Variants in BSDC1 observed in about 807,000 individuals in gnomAD.
BSDC1 encodes the protein BSD domain-containing protein 1.
In BSDC1, 29 loss-of-function variants were observed where a neutral mutation model predicts 56.0. The observed-to-expected ratio is 0.52, with a 90% CI of 0.39 to 0.71. The LOEUF is 0.71. BSDC1 is among the 30% of genes least tolerant of loss of function. The probability of loss-of-function intolerance (pLI) is 0.00; values close to 1 mark genes in which losing one functional copy is unlikely to be tolerated. For synonymous variants in BSDC1, 210 were observed against 215.3 expected, an observed-to-expected ratio of 0.98 and a Z score of 0.21; for missense variants, 477 against 548.5, an observed-to-expected ratio of 0.87 and a Z score of 1.30.
At position 32,376,646 on chromosome 1, in the gene BSDC1, T is replaced by C; in HGVS notation, c.772A>G (p.Ser258Gly). 3 of 1,426,384 alleles carry C rather than the reference T, an allele frequency of 2.1e-6. No homozygotes were observed. Among genetic ancestry groups the C allele is most frequent in the Non-Finnish European group, 2.8e-6 (3 of 1,077,670 alleles). 88.4% of individuals were successfully genotyped at this position (1,426,384 alleles called of 1,614,324 possible). Reference protein sequence around the residue: ...TFPEGEPGPQSPCEENLVTSV... With the variant: ...TFPEGEPGPQGPCEENLVTSV... Reference sequence around the variant, plus strand: ...GTCACCAGATTCTCTTCACAGGGGCTCTGGGGGCCAGGTTCTCCTTCAGGG... The same window carrying C: ...GTCACCAGATTCTCTTCACAGGGGCCCTGGGGGCCAGGTTCTCCTTCAGGG... The change falls in exon 9 of 11, where the codon AGC becomes GGC. Residue 258 changes from serine (S) to glycine (G), a missense_variant. Ser to Gly is a moderately conservative substitution (Grantham distance 56, BLOSUM62 0). Transcript: ENST00000455895.
intron 9 of BSDC1, among the ~76,000 whole-genome samples, chr1:32,372,219 G>A (rs1331496148): frequency 6.6e-6 from 1 of 152,130 alleles, no homozygotes; most frequent in Admixed American, 6.5e-5. Flanking sequence ...AGGAAGTCAG[G>A]GCAGCCAAGA....
chr1:32,378,916 G>T lies in BSDC1; in HGVS notation c.413-77C>A. The stretch of plus-strand genomic sequence containing the variant: ...ACTGGGCTTACAGAACATATCTAAG[G>T]CTGGACATGGAAAATGAAGAAAGCT... On this transcript the variant is annotated intron_variant, in intron 5 of 10. Transcript: ENST00000455895. This position sits in a 1 kb window ranked among gnomAD's most constrained non-coding sequence, Gnocchi z 5.2. 1 of 985,556 alleles carries T rather than the reference G, an allele frequency of 1.0e-6. No individual in the cohort carries two copies. The highest frequency in any genetic ancestry group is 1.4e-6 in the Non-Finnish European group (1 of 713,502). 61.1% of individuals were successfully genotyped at this position (985,556 alleles called of 1,614,324 possible).
intron 5 of BSDC1, among the ~76,000 whole-genome samples, chr1:32,380,529 C>G (rs1488011583): frequency 6.6e-6 from 1 of 152,024 alleles, no homozygotes; most frequent in African/African-American, 2.4e-5. Flanking sequence ...GCCTGTAAGC[C>G]CAGCTACTCG....
intron 9 of BSDC1, among the ~76,000 whole-genome samples, chr1:32,371,554 C>T (rs1305931297): frequency 6.6e-6 from 1 of 152,054 alleles, no homozygotes; most frequent in Non-Finnish European, 1.5e-5. Context: ...TCGTGATCTG[C>T]CCGCCTCGGC....
chr1:32,368,320 T>C (rs919359508), intron 10 of BSDC1, 127 bp downstream of exon 10: 9 of 1,610,780 alleles, frequency 5.6e-6, no homozygotes, highest in African/African-American at 1.3e-5. Context: ...TCCAGCTCCT[T>C]TCCCACCACC....
In BSDC1 at chr1:32,378,793, C is replaced by A; in HGVS notation, c.459G>T (p.Glu153Asp). The A allele has an allele frequency of 6.4e-7, 1 of 1,552,274 alleles. No individual in the cohort carries two copies. Among genetic ancestry groups the A allele is most frequent in the East Asian group, 2.4e-5 (1 of 41,186 alleles). The change falls in exon 6 of 11, where the codon GAG (glutamate) becomes GAT (aspartate). Residue 153 changes from glutamate to aspartate, a missense_variant. Glu to Asp is a conservative substitution (Grantham distance 45). Transcript: ENST00000455895. The surrounding 1 kb of genome is among the most constrained non-coding windows in gnomAD (Gnocchi z 5.2). ...GCTCTGAGATCTCCCCCTTCTTCTC[C>A]TCCAAGCAGAACTGGGAAAGCCAGG... ...FDAWLSQFCLEEKKGEISELL... is the reference protein window; with the variant it reads ...FDAWLSQFCLDEKKGEISELL...
At chr1:32,381,304 G>A in intron 4 of BSDC1, 36 bp from the exon 5 acceptor site, 1 of 1,598,318 alleles carries the variant, frequency 6.3e-7, no homozygotes, top group Non-Finnish European at 8.6e-7. Context: ...CAGAAATTCT[G>A]AGATACTGGG....
At chr1:32,368,644 G>A in intron 9 of BSDC1, 94 bp from the exon 10 acceptor site, 2 of 1,540,318 alleles carry the variant, frequency 1.3e-6, no homozygotes, top group South Asian at 1.2e-5. Context: ...CTTCAAAAGG[G>A]TCTCACAAAT....
rs768131064 is a variant in BSDC1 at position 32,376,262 on chromosome 1, C to T, written c.1156G>A (p.Gly386Ser). Residue 386 changes from glycine (G) to serine (S), a missense_variant and splice_region_variant, in exon 9 of 11, where the codon GGC (glycine) becomes AGC (serine). Physicochemically the swap from Gly to Ser is moderately conservative, Grantham distance 56. Transcript: ENST00000455895. ...TCTGGGCTTGGACCTCCAGACCTAC[C>T]TTTCTTTCCATTGTTGGAGGGTGTA... ...KSTPSNNGKK[G>S]SSTDISEDWE... 6.7e-7 allele frequency: 1 copy of T among 1,493,530 alleles called. No individual in the cohort carries two copies. The highest frequency in any genetic ancestry group is 1.4e-5 in the South Asian group (1 of 73,188). The allele number at this position is 1,493,530 out of a possible 1,614,324, so 92.5% of individuals were successfully genotyped here.
At position 32,367,444 on chromosome 1, in the gene BSDC1, C is replaced by T. The variant is rs191185256; in HGVS notation, c.1261-790G>A. The T allele has an allele frequency of 1.8e-3, 1,768 of 985,370 alleles. 4 individuals are homozygous for T. Among genetic ancestry groups the T allele is most frequent in the Non-Finnish European group, 2.1e-3 (1,719 of 829,928 alleles). 61.0% of individuals were successfully genotyped at this position (985,370 alleles called of 1,614,324 possible). A position where few individuals can be genotyped will look rare whatever the true frequency, so the allele number is the denominator to read the frequency against. Reference sequence around the variant, plus strand: ...AATACTCCTGAGTAGGTAAAATACTCCCCCAAGGCTTCAGTTTCCCATCAT... The same window carrying T: ...AATACTCCTGAGTAGGTAAAATACTTCCCCAAGGCTTCAGTTTCCCATCAT... On this transcript the variant is annotated intron_variant, in intron 10 of 10. Coordinates refer to ENST00000455895, the MANE Select transcript of BSDC1 (RefSeq NM_018045.8).
chr1:32,376,847 C>G (rs1642308448), intron 8 of BSDC1, 106 bp from the exon 9 acceptor site: 15 of 1,228,682 alleles, frequency 1.2e-5, no homozygotes, highest in Non-Finnish European at 1.4e-5. Flanking sequence ...GATCAAGACT[C>G]AAGCCGGGCA....
intron 9 of BSDC1, among the ~76,000 whole-genome samples, chr1:32,375,904 G>C (rs967057800): frequency 2.6e-5 from 4 of 152,236 alleles, no homozygotes; most frequent in Non-Finnish European, 5.9e-5. Context: ...TCCTGGCCAT[G>C]TGAACTTGGG....
At chr1:32,382,594 C>T (rs1334789318) in intron 4 of BSDC1, among the ~76,000 whole-genome samples, 1 of 151,504 alleles carries the variant, frequency 6.6e-6, no homozygotes, top group Non-Finnish European at 1.5e-5. Flanking sequence ...GGCGCGGTGG[C>T]TTACGCCTGT....
rs746773505 is a variant in BSDC1, at chr1:32,377,952, C to T, written c.676+18G>A. 1.2e-6 allele frequency: 2 copies of T among 1,605,030 alleles called. No individual in the cohort carries two copies. The highest frequency in any genetic ancestry group is 1.1e-5 in the South Asian group (1 of 89,036). On this transcript the variant is annotated intron_variant, in intron 8 of 10. Transcript: ENST00000455895. The stretch of plus-strand genomic sequence containing the variant: ...GCACAGATGTGACACTTGCCCCTCA[C>T]CTCTCAACGCCTCTTACCTTCCTCC...
At chr1:32,376,141 C>T in intron 9 of BSDC1, 121 bp downstream of exon 9, 2 of 1,124,798 alleles carry the variant, frequency 1.8e-6, no homozygotes, top group Non-Finnish European at 2.4e-6. Flanking sequence ...CAGCTGTCAT[C>T]ATTATCAGAA....
intron 2 of BSDC1, among the ~76,000 whole-genome samples, chr1:32,388,945 CTTCT>C (rs1025524917): frequency 7.3e-5 from 11 of 151,576 alleles, no homozygotes; most frequent in South Asian, 2.1e-4. Context: ...TTTATCTCTT[CTTCT>C]TTTTTTTCTT....
chr1:32,382,612 G>A (rs1048286409), intron 4 of BSDC1, among the ~76,000 whole-genome samples: 3 of 151,176 alleles, frequency 2.0e-5, no homozygotes, highest in Non-Finnish European at 4.4e-5. Context: ...TGTAATCTCA[G>A]TACTTTAGGG....
At chr1:32,366,915 C>A in intron 10 of BSDC1, 1 of 1,217,300 alleles carries the variant, frequency 8.2e-7, no homozygotes, top group East Asian at 3.5e-5. Context: ...CCAGACACCA[C>A]AAGGTGATGG....
Position 32,376,403 on chromosome 1 carries a change from G to A in BSDC1, c.1015C>T (p.Pro339Ser), listed in dbSNP as rs750118665. 2.5e-6 allele frequency: 4 copies of A among 1,613,678 alleles called. No individual in the cohort carries two copies. Among genetic ancestry groups the A allele is most frequent in the Non-Finnish European group, 2.5e-6 (3 of 1,179,756 alleles). Residue 339 changes from proline (P) to serine (S), a missense_variant, in exon 9 of 11, where the codon CCT (proline) becomes TCT (serine). Physicochemically the swap from Pro to Ser is moderately conservative, Grantham distance 74. Coordinates refer to ENST00000455895, the MANE Select transcript of BSDC1 (RefSeq NM_018045.8). ...SPPIHSKPLT[P>S]AGHTGGPEPR... ...TCTGGGCCGCCGGTGTGGCCAGCAG[G>A]CGTTAGGGGCTTGGAGTGAATAGGG... is the stretch of plus-strand genomic sequence containing the variant.
Sources: gnomAD v4.1 joint callset for allele counts (sites outside exome capture counted in the v4.1 genomes callset) on GRCh38, gnomAD v4.1.1 for gene constraint, Gnocchi (gnomAD v3.1) non-coding constraint, MANE v1.5 for transcripts, NCBI Gene and HGNC (gene_info 2026-07-23, HGNC 2026-07-21) for gene names.